The following EIF3C variants were observed in gnomAD, a reference collection of about 807,000 sequenced individuals.
EIF3C encodes the protein eukaryotic translation initiation factor 3 subunit C.
In EIF3C, 2 loss-of-function variants were observed where a neutral mutation model predicts 11.1. The ratio of observed to expected loss-of-function variants is 0.18; its 90% CI spans 0.07 to 0.57. The LOEUF is 0.57. EIF3C is among the 20% of genes least tolerant of loss of function. The pLI is 0.92. For missense variants in EIF3C, 16 were observed against 114.6 expected, an observed-to-expected ratio of 0.14 and a Z score of 3.93; for synonymous variants, 2 against 41.5, an observed-to-expected ratio of 0.05 and a Z score of 3.66.
chr16:28,725,959 GCCTGTAAAT>G (rs1374343992), intron 13 of EIF3C, among the ~76,000 whole-genome samples: 313 of 148,596 alleles, frequency 2.1e-3, no homozygotes, highest in Admixed American at 0.014. Context: ...GGTGGCAGGT[GCCTGTAAAT>G]CCCAGCTATG....
At chr16:28,699,364 A>ACTC (rs2048266916) in intron 1 of EIF3C, among the ~76,000 whole-genome samples, 1 of 81,540 alleles carries the variant, frequency 1.2e-5, no homozygotes. Flanking sequence ...CGGCAGGCTG[A>ACTC]GGCAGGAGAA....
At chr16:28,698,261 C>G (rs1287087134) in intron 1 of EIF3C, among the ~76,000 whole-genome samples, 1 of 122,326 alleles carries the variant, frequency 8.2e-6, no homozygotes, top group Non-Finnish European at 1.7e-5. Context: ...GGGGGCTGAC[C>G]CCCCCATCTC....
At position 28,700,585 on chromosome 16, in the gene EIF3C, T is replaced by A. The variant is rs79660134; in HGVS notation, c.-30-11072T>A. On this transcript the variant is annotated intron_variant, in intron 1 of 20. Transcript: ENST00000566501. ...GAGCTCCTCCTCCTAGTACTCCTGC[T>A]CCACCTGCTTTCTAGACGCGCAGCT... 22 of 270,014 alleles carry A rather than the reference T, an allele frequency of 8.1e-5. 3 individuals are homozygous for A. Among genetic ancestry groups the A allele is most frequent in the South Asian group, 4.7e-4 (9 of 19,118 alleles). The allele number at this position is 270,014 out of a possible 1,614,324, so 16.7% of individuals were successfully genotyped here. A position where few individuals can be genotyped will look rare whatever the true frequency, so the allele number is the denominator to read the frequency against.
rs2048362088 is a variant in EIF3C, at chr16:28,723,443, T to C, written c.937-5T>C. The stretch of plus-strand genomic sequence containing the variant: ...ATGTACATGACGGGATATGTGCTGA[T>C]ACAGGAGAAGCCAAAAATGTTTGCC... On this transcript the variant is annotated splice_region_variant and splice_polypyrimidine_tract_variant and intron_variant, in intron 9 of 20. Coordinates refer to ENST00000331666, the MANE Select transcript of EIF3C (RefSeq NM_003752.5). 6.2e-7 allele frequency: 1 copy of C among 1,611,474 alleles called. No homozygotes were observed.
Position 28,693,165 on chromosome 16 carries a change from GA to G in EIF3C, c.-31+4342del, listed in dbSNP as rs2048227493. 5.4e-5 allele frequency among the ~76,000 whole-genome samples: 2 copies of G among 37,054 alleles called. 1 individual carries two copies. The highest frequency in any genetic ancestry group is 9.8e-5 in the Non-Finnish European group (2 of 20,478). 24.3% of individuals were successfully genotyped at this position (37,054 alleles called of 152,430 possible). A position where few individuals can be genotyped will look rare whatever the true frequency, so the allele number is the denominator to read the frequency against. On this transcript the variant is annotated intron_variant, in intron 1 of 20. Coordinates refer to the EIF3C transcript ENST00000566501. Reference sequence around the variant, plus strand: ...ACATGCTAAAAGGCAGATAGCAAGAGAAAAATCCAATCCAAATAGATTTTTT... The same window carrying G: ...ACATGCTAAAAGGCAGATAGCAAGAGAAAATCCAATCCAAATAGATTTTTT...
rs569894891 is a variant in EIF3C, at chr16:28,723,193, C to G, written c.806C>G (p.Ala269Gly). ...KAPTTDEDKK[A>G]AEKKREDKAK... ...CCCACCACAGATGAGGACAAGAAGG[C>G]AGCCGAGAAGAAACGGGAGGACAAA... is the stretch of plus-strand genomic sequence containing the variant. The change falls in exon 9 of 21, where the codon GCA (alanine) becomes GGA (glycine). Residue 269 changes from alanine (A) to glycine (G), a missense_variant. Transcript: ENST00000331666. The G allele has an allele frequency of 6.2e-7, 1 of 1,614,098 alleles. No individual in the cohort carries two copies. Among genetic ancestry groups the G allele is most frequent in the East Asian group, 2.2e-5 (1 of 44,872 alleles).
intron 15 of EIF3C, among the ~76,000 whole-genome samples, chr16:28,729,789 G>A (rs1158909475): frequency 2.1e-5 from 3 of 145,866 alleles, no homozygotes; most frequent in Non-Finnish European, 4.5e-5. Context: ...ACAAAACCCT[G>A]TCTCTACAAA....
chr16:28,728,446 TTA>T (rs1392703189), intron 15 of EIF3C, among the ~76,000 whole-genome samples: 2 of 44,736 alleles, frequency 4.5e-5, no homozygotes, highest in East Asian at 5.4e-4. Flanking sequence ...TGTGTCTCTT[TTA>T]GGGGGTGTGT....
rs1360500522 is a variant in EIF3C, at chr16:28,698,444, C to T, written c.-31+9616C>T. Among the ~76,000 whole-genome samples, 2 of 82,878 alleles carry T rather than the reference C, an allele frequency of 2.4e-5. 1 individual carries two copies. The highest frequency in any genetic ancestry group is 4.3e-5 in the Non-Finnish European group (2 of 46,652). 54.4% of individuals were successfully genotyped at this position (82,878 alleles called of 152,430 possible). ...GCCAGGCGGGGGGCTGACCCCCCCA[C>T]CTCCCTCCCGGATGGCACGGCTGGC... is the stretch of plus-strand genomic sequence containing the variant. On this transcript the variant is annotated intron_variant, in intron 1 of 20. Transcript: ENST00000566501.
chr16:28,697,740 G>A (rs1370108063), intron 1 of EIF3C, among the ~76,000 whole-genome samples: 1 of 92,526 alleles, frequency 1.1e-5, no homozygotes, highest in Non-Finnish European at 1.9e-5. Context: ...CGGTCAGAGG[G>A]GCTCCTCACT....
rs983417086 is a variant in EIF3C at position 28,693,193 on chromosome 16, T to G, written c.-31+4365T>G. 6.2e-4 allele frequency among the ~76,000 whole-genome samples: 26 copies of G among 42,066 alleles called. 10 individuals are homozygous for G. The highest frequency in any genetic ancestry group is 3.2e-3 in the African/African-American group (24 of 7,552). The allele number at this position is 42,066 out of a possible 152,430, so 27.6% of individuals were successfully genotyped here. On this transcript the variant is annotated intron_variant, in intron 1 of 20. Transcript: ENST00000566501. ...AAATCCAATCCAAATAGATTTTTTT[T>G]TTTTTTTTTGAGACACGGTCTTGCT...
rs1302109740 is a variant in EIF3C, at chr16:28,733,860, TC to T, written c.2183-658del. On this transcript the variant is annotated intron_variant, in intron 16 of 20. Transcript: ENST00000331666. ...GTGAGGAAGGGTTGGTAAATTCCAT[TC>T]CAGTTGAGCTGGAAGAGGTGGTTTT... Among the ~76,000 whole-genome samples, 2 of 114,452 alleles carry T rather than the reference TC, an allele frequency of 1.7e-5. 1 individual carries two copies. Among genetic ancestry groups the T allele is most frequent in the Non-Finnish European group, 4.3e-5 (2 of 46,880 alleles). The allele number at this position is 114,452 out of a possible 152,430, so 75.1% of individuals were successfully genotyped here. A position where few individuals can be genotyped will look rare whatever the true frequency, so the allele number is the denominator to read the frequency against.
chr16:28,697,871 T>C (rs1596703102), intron 1 of EIF3C, among the ~76,000 whole-genome samples: 3 of 72,772 alleles, frequency 4.1e-5, no homozygotes, highest in Non-Finnish European at 7.6e-5. Context: ...GGCGGGGGGC[T>C]GACCCCCCAA....
chr16:28,693,545 T>C lies in EIF3C; in HGVS notation c.-31+4717T>C, dbSNP rs1195574387. On this transcript the variant is annotated intron_variant, in intron 1 of 20. Coordinates refer to the EIF3C transcript ENST00000566501. ...GCTCGTGACATCATATGCTTGTGGA[T>C]TGCTATCTGTATTTGGCAATACCTA... 2.8e-3 allele frequency among the ~76,000 whole-genome samples: 13 copies of C among 4,626 alleles called. 3 individuals are homozygous for C. The highest frequency in any genetic ancestry group is 3.6e-3 in the African/African-American group (2 of 556). The allele number at this position is 4,626 out of a possible 152,430, so 3.0% of individuals were successfully genotyped here. A position where few individuals can be genotyped will look rare whatever the true frequency, so the allele number is the denominator to read the frequency against.
intron 2 of EIF3C, chr16:28,712,271 ATTT>A (rs1344940308): frequency 3.2e-5 from 2 of 61,598 alleles, no homozygotes; most frequent in Admixed American, 2.0e-4. Flanking sequence ...CTGTACATTA[ATTT>A]TTTTTTTTTT....
chr16:28,698,266 C>T (rs1319050332), intron 1 of EIF3C, among the ~76,000 whole-genome samples: 7 of 112,994 alleles, frequency 6.2e-5, no homozygotes, highest in South Asian at 3.8e-4. Context: ...CTGACCCCCC[C>T]ATCTCCCTCC....
intron 1 of EIF3C, among the ~76,000 whole-genome samples, chr16:28,691,903 T>C (rs1383285786): frequency 6.9e-6 from 1 of 145,642 alleles, no homozygotes; most frequent in African/African-American, 2.5e-5. Flanking sequence ...CCTCTGCCTC[T>C]CATGCTCAGG....
chr16:28,718,614 GTTTTTTTTTTTT>G (rs576228155), intron 8 of EIF3C, among the ~76,000 whole-genome samples: 3 of 45,270 alleles, frequency 6.6e-5, no homozygotes, highest in African/African-American at 3.1e-4. Context: ...CTTGTTTAAA[GTTTTTTTTTTTT>G]TTTTTTTTTT....
intron 1 of EIF3C, chr16:28,700,462 C>A (rs2048274937): frequency 2.7e-6 from 1 of 366,842 alleles, no homozygotes; most frequent in African/African-American, 3.6e-5. Context: ...CATCTTGCTG[C>A]ATTTGCGCGT....
Sources: allele counts gnomAD v4.1 joint callset (sites outside exome capture counted in the v4.1 genomes callset), GRCh38; gene constraint gnomAD v4.1.1; transcripts MANE v1.5; gene names NCBI Gene and HGNC (gene_info 2026-07-23, HGNC 2026-07-21).